The following CUL3 variants were observed in gnomAD, a reference collection of about 807,000 sequenced individuals.
CUL3 encodes cullin-3.
In CUL3, 19 loss-of-function variants were observed where a neutral mutation model predicts 89.1. The observed-to-expected ratio is 0.21, with a 90% CI of 0.15 to 0.31. CUL3 has a LOEUF of 0.31. Among genes scored for constraint, CUL3 ranks in the 10% least tolerant of loss-of-function variants. The pLI is 1.00. For missense variants in CUL3, 469 were observed against 942.3 expected, an observed-to-expected ratio of 0.50 and a Z score of 6.58; for synonymous variants, 351 against 308.4, an observed-to-expected ratio of 1.14 and a Z score of -1.45.
intron 3 of CUL3, among the ~76,000 whole-genome samples, 170 bp from the exon 4 acceptor site, chr2:224,514,942 T>C (rs1028383966): frequency 1.3e-5 from 2 of 152,186 alleles, no homozygotes; most frequent in Admixed American, 6.5e-5. Context: ...TCTCAAGTTA[T>C]ATAAAGTTAA....
intron 3 of CUL3, among the ~76,000 whole-genome samples, chr2:224,529,873 C>T (rs1165405964): frequency 6.6e-6 from 1 of 152,122 alleles, no homozygotes; most frequent in African/African-American, 2.4e-5. Context: ...ACTTTATTTA[C>T]ATTTTCAAGA....
chr2:224,563,019 A>C (rs944976149), intron 1 of CUL3: 1 of 307,320 alleles, frequency 3.3e-6, no homozygotes, highest in East Asian at 9.5e-5. Context: ...CCCAGAGCAC[A>C]GTATAATCCC....
At chr2:224,569,434 G>T (rs1225376100) in intron 1 of CUL3, among the ~76,000 whole-genome samples, 1 of 152,116 alleles carries the variant, frequency 6.6e-6, no homozygotes. Flanking sequence ...ATTCTTAAAT[G>T]TTTATAGTTT....
intron 4 of CUL3, 68 bp downstream of exon 4, chr2:224,514,544 G>C: frequency 3.1e-6 from 4 of 1,279,656 alleles, no homozygotes; most frequent in Non-Finnish European, 4.4e-6. Flanking sequence ...ATAAAACTAA[G>C]ACAGTGAATC....
intron 2 of CUL3, among the ~76,000 whole-genome samples, chr2:224,545,656 C>T (rs1192486738): frequency 6.6e-6 from 1 of 152,182 alleles, no homozygotes; most frequent in Admixed American, 6.5e-5. Flanking sequence ...GCAGGCAAAA[C>T]AGGGTGCTTG....
chr2:224,555,611 A>G (rs1694670860), intron 2 of CUL3, among the ~76,000 whole-genome samples: 1 of 152,160 alleles, frequency 6.6e-6, no homozygotes, highest in South Asian at 2.1e-4. Flanking sequence ...GTAACACTAC[A>G]ATCCACTAAT....
At chr2:224,568,382 A>C (rs767058970) in intron 1 of CUL3, among the ~76,000 whole-genome samples, 2 of 152,222 alleles carry the variant, frequency 1.3e-5, no homozygotes, top group African/African-American at 2.4e-5. Flanking sequence ...CTAGACTATG[A>C]GCTTAAGAGA....
At chr2:224,523,834 T>C (rs1229679139) in intron 3 of CUL3, among the ~76,000 whole-genome samples, 1 of 152,162 alleles carries the variant, frequency 6.6e-6, no homozygotes, top group East Asian at 1.9e-4. Flanking sequence ...ACCTTATGAT[T>C]CCACTTACAT....
chr2:224,553,278 G>A (rs1409635762), intron 2 of CUL3, among the ~76,000 whole-genome samples: 4 of 152,168 alleles, frequency 2.6e-5, no homozygotes, highest in African/African-American at 9.7e-5. Flanking sequence ...CTAATTCACT[G>A]TAAATAATCA....
rs905062408 is a variant in CUL3, at chr2:224,574,255, T to C, written c.66+10689A>G. ...AAATTTGGGTCCAATCCTTTCTCAA[T>C]GATTACAAGTACTAAATGGAGGTCA... On this transcript the variant is annotated intron_variant, in intron 1 of 15. Coordinates refer to ENST00000264414, the MANE Select transcript of CUL3 (RefSeq NM_003590.5). Among the ~76,000 whole-genome samples the C allele has an allele frequency of 1.6e-4, 24 of 152,340 alleles. No individual in the cohort carries two copies. In the East Asian group the frequency reaches 3.3e-3, roughly 21 times the overall value.
intron 2 of CUL3, among the ~76,000 whole-genome samples, chr2:224,550,046 A>C (rs1412708494): frequency 6.6e-6 from 1 of 152,134 alleles, no homozygotes; most frequent in African/African-American, 2.4e-5. Flanking sequence ...AAGTGTTTAA[A>C]TTCCTCAGGG....
intron 13 of CUL3, among the ~76,000 whole-genome samples, chr2:224,487,145 A>G (rs1045897605): frequency 3.9e-5 from 6 of 152,174 alleles, no homozygotes; most frequent in Non-Finnish European, 8.8e-5. Context: ...AAAAATCGGT[A>G]CCAGCCACTG....
intron 13 of CUL3, among the ~76,000 whole-genome samples, chr2:224,489,987 G>A (rs904065127): frequency 2.0e-5 from 3 of 152,022 alleles, no homozygotes; most frequent in Non-Finnish European, 2.9e-5. Context: ...GAATCTACAA[G>A]GAACTTAAGC....
intron 1 of CUL3, among the ~76,000 whole-genome samples, chr2:224,567,718 C>A (rs1352435405): frequency 6.6e-6 from 1 of 150,392 alleles, no homozygotes; most frequent in Non-Finnish European, 1.5e-5. Flanking sequence ...CCAGCCTGGG[C>A]AACAGAGTGA....
intron 2 of CUL3, 151 bp from the exon 3 acceptor site, chr2:224,535,792 A>C: frequency 3.2e-6 from 2 of 634,442 alleles, no homozygotes; most frequent in Non-Finnish European, 5.6e-6. Context: ...TTTAAGCTAT[A>C]ACCTATACAC....
At chr2:224,476,170 C>A (rs1449342202) in intron 15 of CUL3, among the ~76,000 whole-genome samples, 1 of 151,920 alleles carries the variant, frequency 6.6e-6, no homozygotes, top group Non-Finnish European at 1.5e-5. Context: ...ATTACAGGCA[C>A]CCACCACCAG....
intron 2 of CUL3, among the ~76,000 whole-genome samples, chr2:224,539,595 T>C (rs1006621064): frequency 6.6e-6 from 1 of 152,188 alleles, no homozygotes; most frequent in Admixed American, 6.5e-5. Flanking sequence ...TTGTACTACA[T>C]TTAGAAAATG....
intron 3 of CUL3, among the ~76,000 whole-genome samples, chr2:224,523,788 T>C (rs1442190490): frequency 6.6e-6 from 1 of 152,206 alleles, no homozygotes; most frequent in Non-Finnish European, 1.5e-5. Context: ...CTTAAGGACA[T>C]GCTAAGTGAA....
intron 1 of CUL3, among the ~76,000 whole-genome samples, chr2:224,572,631 A>AG (rs1695207955): frequency 3.2e-5 from 1 of 31,436 alleles, no homozygotes; most frequent in Non-Finnish European, 5.4e-5. Context: ...AGAGTGAGAG[A>AG]AAAAAAAAAA....
Sources: gnomAD v4.1 joint callset for allele counts (sites outside exome capture counted in the v4.1 genomes callset) on GRCh38, gnomAD v4.1.1 for gene constraint, MANE v1.5 for transcripts, NCBI Gene and HGNC (gene_info 2026-07-23, HGNC 2026-07-21) for gene names.